The following ERBB4 variants were observed in gnomAD, a reference collection of about 807,000 sequenced individuals.
The protein encoded by ERBB4 is receptor tyrosine-protein kinase erbB-4.
Under a neutral mutation model 158.0 loss-of-function variants are expected in ERBB4, and 42 were observed. The ratio of observed to expected loss-of-function variants is 0.27; its 90% CI spans 0.21 to 0.34. The LOEUF (loss-of-function observed/expected upper bound fraction) is 0.34. Among genes scored for constraint, ERBB4 ranks in the 10% least tolerant of loss-of-function variants. The probability of loss-of-function intolerance (pLI) is 1.00; values close to 1 mark genes in which losing one functional copy is unlikely to be tolerated. For synonymous variants in ERBB4, 583 were observed against 558.7 expected (o/e 1.04, Z -0.61); for missense variants, 1,333 against 1,624.1 (o/e 0.82, Z 3.08).
intron 20 of ERBB4, among the ~76,000 whole-genome samples, chr2:211,446,577 T>A (rs1459839011): frequency 6.6e-5 from 10 of 152,178 alleles, no homozygotes; most frequent in African/African-American, 2.4e-4. Context: ...CTTCAAAGAC[T>A]TTCTTACTAT....
intron 3 of ERBB4, among the ~76,000 whole-genome samples, chr2:211,937,871 T>C (rs905066907): frequency 1.3e-5 from 2 of 152,130 alleles, no homozygotes; most frequent in Non-Finnish European, 2.9e-5. Context: ...TGAGACCCAT[T>C]TCTAATTTCA....
chr2:211,396,295 TAACTC>T (rs1196279817), intron 25 of ERBB4, among the ~76,000 whole-genome samples: 1 of 152,162 alleles, frequency 6.6e-6, no homozygotes, highest in Non-Finnish European at 1.5e-5. Flanking sequence ...TAGAGGCTGT[TAACTC>T]ATTTGTGGGG....
rs2125721588 is a variant in ERBB4 at position 211,561,973 on chromosome 2, T to C, written c.2417A>G (p.Glu806Gly). 1 of 1,614,132 alleles carries C rather than the reference T, an allele frequency of 6.2e-7. No homozygotes were observed. Among genetic ancestry groups the C allele is most frequent in the Non-Finnish European group, 8.5e-7 (1 of 1,180,030 alleles). ...GTTATCCTTGTGCTCGTGGACATAC[T>C]CCAACAGGCAGCCATGGGGCATAAG... is the stretch of plus-strand genomic sequence containing the variant. Reference protein sequence around the residue: ...TQLMPHGCLLEYVHEHKDNIG... With the variant: ...TQLMPHGCLLGYVHEHKDNIG... The change falls in exon 20 of 28, where the codon GAG becomes GGG. Residue 806 changes from glutamate to glycine, a missense_variant. By Grantham distance (98) the Glu-to-Gly change is moderately conservative (BLOSUM62 -2). This residue lies in a region of ERBB4 where 314 missense variants were observed against 437.6 expected (regional missense o/e 0.72). Transcript: ENST00000342788.
intron 1 of ERBB4, among the ~76,000 whole-genome samples, chr2:212,402,625 G>A (rs2091240187): frequency 6.6e-6 from 1 of 151,886 alleles, no homozygotes; most frequent in South Asian, 2.1e-4. Flanking sequence ...GGGCTTCTGT[G>A]TATTATTTAT....
At chr2:212,083,632 C>T (rs937997594) in intron 2 of ERBB4, among the ~76,000 whole-genome samples, 4 of 151,566 alleles carry the variant, frequency 2.6e-5, no homozygotes, top group Non-Finnish European at 5.9e-5. Context: ...TTTATTACCA[C>T]CCCTCCCCCC....
At chr2:212,447,670 G>A (rs2092382327) in intron 1 of ERBB4, among the ~76,000 whole-genome samples, 1 of 152,112 alleles carries the variant, frequency 6.6e-6, no homozygotes, top group Admixed American at 6.6e-5. Flanking sequence ...TTTTAAGTAA[G>A]TGTATGGATA....
intron 1 of ERBB4, among the ~76,000 whole-genome samples, chr2:212,134,074 C>T (rs528730750): frequency 2.6e-5 from 4 of 152,098 alleles, no homozygotes; most frequent in Non-Finnish European, 4.4e-5. Context: ...GGAAATGCTT[C>T]CCTTAACTCA....
intron 1 of ERBB4, among the ~76,000 whole-genome samples, chr2:212,281,660 T>C (rs1335498292): frequency 6.6e-6 from 1 of 151,826 alleles, no homozygotes; most frequent in African/African-American, 2.4e-5. Flanking sequence ...TTCTAGAAAA[T>C]TTCTGCATTG....
intron 2 of ERBB4, among the ~76,000 whole-genome samples, chr2:212,097,291 G>C (rs952939095): frequency 1.3e-5 from 2 of 152,122 alleles, no homozygotes; most frequent in African/African-American, 4.8e-5. Flanking sequence ...GGAAGGCATA[G>C]TGTACTTTTA....
At chr2:212,023,657 T>C (rs1186955529) in intron 2 of ERBB4, among the ~76,000 whole-genome samples, 1 of 151,886 alleles carries the variant, frequency 6.6e-6, no homozygotes, top group African/African-American at 2.4e-5. Flanking sequence ...AGATGGATAA[T>C]ACAGACATAT....
At chr2:211,682,139 C>T (rs1232418121) in intron 12 of ERBB4, among the ~76,000 whole-genome samples, 2 of 151,384 alleles carry the variant, frequency 1.3e-5, no homozygotes, top group African/African-American at 4.9e-5. Flanking sequence ...CCATCTTCCA[C>T]CTGAAAGCTG....
chr2:211,876,217 G>C (rs549979577), intron 3 of ERBB4, among the ~76,000 whole-genome samples: 31 of 152,252 alleles, frequency 2.0e-4, no homozygotes, highest in African/African-American at 7.0e-4. Context: ...TACACTTAGA[G>C]AATACCAATT....
intron 1 of ERBB4, among the ~76,000 whole-genome samples, chr2:212,317,993 A>T (rs2087372669): frequency 6.6e-6 from 1 of 151,666 alleles, no homozygotes. Flanking sequence ...TCCTTCCTTA[A>T]GTTAATTAAA....
chr2:212,352,639 G>A (rs1382056417), intron 1 of ERBB4, among the ~76,000 whole-genome samples: 5 of 152,060 alleles, frequency 3.3e-5, no homozygotes, highest in African/African-American at 4.8e-5. Context: ...AGGCTGAGAC[G>A]GGAGGATCAC....
intron 20 of ERBB4, among the ~76,000 whole-genome samples, chr2:211,553,465 T>C (rs2067158122): frequency 6.6e-6 from 1 of 152,226 alleles, no homozygotes; most frequent in Non-Finnish European, 1.5e-5. Context: ...AAATACTTTG[T>C]ATCTGAAATT....
intron 1 of ERBB4, among the ~76,000 whole-genome samples, chr2:212,335,719 A>G (rs995516003): frequency 6.6e-6 from 1 of 152,028 alleles, no homozygotes; most frequent in Non-Finnish European, 1.5e-5. Context: ...ATAATTTAAA[A>G]CGTAAAGAAC....
chr2:211,537,338 T>C (rs2066683876), intron 20 of ERBB4, among the ~76,000 whole-genome samples: 1 of 152,056 alleles, frequency 6.6e-6, no homozygotes, highest in Non-Finnish European at 1.5e-5. Flanking sequence ...GAAATTTCTA[T>C]AATTATTTGA....
chr2:211,756,968 A>T (rs1034412016), intron 4 of ERBB4, among the ~76,000 whole-genome samples: 4 of 152,210 alleles, frequency 2.6e-5, no homozygotes, highest in Non-Finnish European at 4.4e-5. Context: ...GCAGTACTAA[A>T]ATATACATAT....
chr2:212,504,411 GAATTACTTAA>G (rs1371525925), intron 1 of ERBB4, among the ~76,000 whole-genome samples: 1 of 151,134 alleles, frequency 6.6e-6, no homozygotes, highest in Non-Finnish European at 1.5e-5. Context: ...AATCACACTG[GAATTACTTAA>G]ATATATATGT....
Sources: allele counts gnomAD v4.1 joint callset (sites outside exome capture counted in the v4.1 genomes callset), GRCh38; gene constraint gnomAD v4.1.1; regional missense constraint gnomAD v4.1.1; transcripts MANE v1.5; gene names NCBI Gene and HGNC (gene_info 2026-07-23, HGNC 2026-07-21).